Variants in TRMT10C observed in about 807,000 individuals in gnomAD.
The protein encoded by TRMT10C is tRNA methyltransferase 10 homolog C.
A neutral mutation model predicts 27.4 loss-of-function variants in TRMT10C; 14 were observed. That is an observed-to-expected ratio of 0.51 (90% CI 0.34 to 0.80). The LOEUF is 0.80. TRMT10C is among the 30% of genes least tolerant of loss of function. TRMT10C has a pLI of 0.02. For missense variants in TRMT10C, 438 were observed against 464.8 expected (o/e 0.94, Z 0.53); for synonymous variants, 143 against 155.9 (o/e 0.92, Z 0.62).
chr3:101,562,750 G>C (rs1461725904), intron 1 of TRMT10C, among the ~76,000 whole-genome samples: 1 of 151,250 alleles, frequency 6.6e-6, no homozygotes, highest in Non-Finnish European at 1.5e-5. Context: ...CGTGATTACT[G>C]TGAGCCAAAT....
At position 101,565,822 on chromosome 3, in the gene TRMT10C, T is replaced by C. The variant is rs1032195829; in HGVS notation, c.1041T>C (p.Gly347=). The C allele has an allele frequency of 5.0e-6, 8 of 1,613,988 alleles. No homozygotes were observed. Among genetic ancestry groups the C allele is most frequent in the Non-Finnish European group, 5.9e-6 (7 of 1,179,982 alleles). ...ATAAATATTTACAATGGGAAATTGG[T>C]AACAAAAATCTCACCTTAGATCAAA... is the stretch of plus-strand genomic sequence containing the variant. ...PLDKYLQWEI[G]NKNLTLDQMI... The change falls in exon 2 of 2, where the codon GGT becomes GGC. Residue 347 remains glycine, a synonymous_variant. Coordinates refer to ENST00000309922, the MANE Select transcript of TRMT10C (RefSeq NM_017819.4).
Position 101,566,191 on chromosome 3 carries a change from A to C in TRMT10C, c.*198A>C. ...TCTTTTCCCAATTAAATATCTGCAG[A>C]ACTTTGGGATTATACTTTGTTTACT... is the stretch of plus-strand genomic sequence containing the variant. On this transcript the variant is annotated 3_prime_UTR_variant, in exon 2 of 2. Coordinates refer to ENST00000309922, the MANE Select transcript of TRMT10C (RefSeq NM_017819.4). The C allele has an allele frequency of 1.8e-6, 1 of 555,020 alleles. No individual in the cohort carries two copies. Among genetic ancestry groups the C allele is most frequent in the Non-Finnish European group, 3.1e-6 (1 of 318,618 alleles). The allele number at this position is 555,020 out of a possible 1,614,324, so 34.4% of individuals were successfully genotyped here.
chr3:101,566,337 G>A lies in TRMT10C; in HGVS notation c.*344G>A, dbSNP rs868376550. On this transcript the variant is annotated 3_prime_UTR_variant, in exon 2 of 2. Coordinates refer to ENST00000309922, the MANE Select transcript of TRMT10C (RefSeq NM_017819.4). Reference sequence around the variant, plus strand: ...GGTTCCTAGAGGGTGGTGCCCTGGGGTGGGCTTGGAAGCTCTGCACCCCTT... The same window carrying A: ...GGTTCCTAGAGGGTGGTGCCCTGGGATGGGCTTGGAAGCTCTGCACCCCTT... 2.1e-5 allele frequency: 4 copies of A among 190,638 alleles called. No individual in the cohort carries two copies. Among genetic ancestry groups the A allele is most frequent in the South Asian group, 1.4e-4 (1 of 7,368 alleles). The allele number at this position is 190,638 out of a possible 1,614,324, so 11.8% of individuals were successfully genotyped here. A position where few individuals can be genotyped will look rare whatever the true frequency, so the allele number is the denominator to read the frequency against.
rs11410961 is a variant in TRMT10C at position 101,564,256 on chromosome 3, C to CTTT, written c.-12-497_-12-495dup. 7.7e-4 allele frequency among the ~76,000 whole-genome samples: 93 copies of CTTT among 121,478 alleles called. 1 individual carries two copies. Among genetic ancestry groups the CTTT allele is most frequent in the African/African-American group, 2.2e-3 (72 of 32,558 alleles). The allele number at this position is 121,478 out of a possible 152,430, so 79.7% of individuals were successfully genotyped here. ...ATTCATGTCTAAAATAAGAACCCAA[C>CTTT]TTTTTTTTTTTTTTTTTTTGAGACA... On this transcript the variant is annotated intron_variant, in intron 1 of 1. Transcript: ENST00000309922.
Position 101,566,224 on chromosome 3 carries a change from G to C in TRMT10C, c.*231G>C, listed in dbSNP as rs543983593. Reference sequence around the variant, plus strand: ...GATTATACTTTGTTTACTGTAGAAAGATAATAAAAAGAGTTGTCCAAGATT... The same window carrying C: ...GATTATACTTTGTTTACTGTAGAAACATAATAAAAAGAGTTGTCCAAGATT... On this transcript the variant is annotated 3_prime_UTR_variant, in exon 2 of 2. Coordinates refer to ENST00000309922, the MANE Select transcript of TRMT10C (RefSeq NM_017819.4). The C allele has an allele frequency of 7.1e-6, 3 of 423,772 alleles. No individual in the cohort carries two copies. The highest frequency in any genetic ancestry group is 1.3e-5 in the Non-Finnish European group (3 of 230,812). The allele number at this position is 423,772 out of a possible 1,614,324, so 26.3% of individuals were successfully genotyped here.
rs1178528389 is a variant in TRMT10C at position 101,565,165 on chromosome 3, A to C, written c.384A>C (p.Ala128=). 1 of 1,307,678 alleles carries C rather than the reference A, an allele frequency of 7.6e-7. No homozygotes were observed. The highest frequency in any genetic ancestry group is 2.4e-5 in the Admixed American group (1 of 40,954). 81.0% of individuals were successfully genotyped at this position (1,307,678 alleles called of 1,614,324 possible). ...TTATGGAATGTGTTTCTAACACAGC[A>C]AAAAAAAAATATTTAAAATATTTAT... is the stretch of plus-strand genomic sequence containing the variant. The part of the protein sequence containing the change: ...KTLMECVSNT[A]KKKYLKYLYT... Residue 128 remains alanine, a synonymous_variant, in exon 2 of 2, where the codon GCA becomes GCC. Coordinates refer to ENST00000309922, the MANE Select transcript of TRMT10C (RefSeq NM_017819.4).
chr3:101,561,916 G>C lies in TRMT10C; in HGVS notation c.-100G>C, dbSNP rs1934420899. On this transcript the variant is annotated 5_prime_UTR_variant, in exon 1 of 2. Coordinates refer to ENST00000309922, the MANE Select transcript of TRMT10C (RefSeq NM_017819.4). ...TAGGCTGCGTGCTAGCTTCGGCGCG[G>C]ATCCCTGGGCGTCCGTACGTCGGAG... 1 of 152,914 alleles carries C rather than the reference G, an allele frequency of 6.5e-6. No individual in the cohort carries two copies. Among genetic ancestry groups the C allele is most frequent in the Non-Finnish European group, 1.5e-5 (1 of 68,376 alleles). The allele number at this position is 152,914 out of a possible 1,614,324, so 9.5% of individuals were successfully genotyped here. A position where few individuals can be genotyped will look rare whatever the true frequency, so the allele number is the denominator to read the frequency against.
rs1159240935 is a variant in TRMT10C at position 101,565,152 on chromosome 3, T to C, written c.371T>C (p.Val124Ala). ...EEELKTLMEC[V>A]SNTAKKKYLK... The stretch of plus-strand genomic sequence containing the variant: ...GAGCTCAAAACCCTTATGGAATGTG[T>C]TTCTAACACAGCAAAAAAAAAATAT... Residue 124 changes from valine (V) to alanine (A), a missense_variant, in exon 2 of 2, where the codon GTT becomes GCT. Around this residue, in one of 3 missense-constraint regions of TRMT10C, gnomAD observed 350 missense variants for 370.5 expected, o/e 0.94. Transcript: ENST00000309922. 6.3e-7 allele frequency: 1 copy of C among 1,581,962 alleles called. No individual in the cohort carries two copies. Among genetic ancestry groups the C allele is most frequent in the African/African-American group, 1.4e-5 (1 of 73,312 alleles).
intron 1 of TRMT10C, 187 bp downstream of exon 1, chr3:101,562,190 A>C (rs1053653550): frequency 6.6e-6 from 1 of 152,228 alleles, no homozygotes; most frequent in Admixed American, 6.5e-5. Context: ...GAAATGATGT[A>C]CTTGATTGCT....
Position 101,562,184 on chromosome 3 carries a change from T to C in TRMT10C, c.-13+181T>C, listed in dbSNP as rs193147687. ...GAAACAAAATCAGTGGTTCCTGAAA[T>C]GATGTACTTGATTGCTTTTTACAAT... On this transcript the variant is annotated intron_variant, in intron 1 of 1. Transcript: ENST00000309922. The C allele has an allele frequency of 3.3e-4, 51 of 152,354 alleles. 1 individual carries two copies. The highest frequency in any genetic ancestry group is 3.3e-3 in the Admixed American group (51 of 15,306). The allele number at this position is 152,354 out of a possible 1,614,324, so 9.4% of individuals were successfully genotyped here.
At position 101,565,137 on chromosome 3, in the gene TRMT10C, C is replaced by A. The variant is rs754933105; in HGVS notation, c.356C>A (p.Thr119Asn). ...CACATCACTGAAGAAGAGCTCAAAA[C>A]CCTTATGGAATGTGTTTCTAACACA... is the stretch of plus-strand genomic sequence containing the variant. ...PEHITEEELK[T>N]LMECVSNTAK... The change falls in exon 2 of 2, where the codon ACC becomes AAC. Residue 119 changes from threonine (T) to asparagine (N), a missense_variant. Physicochemically the swap from Thr to Asn is moderately conservative, Grantham distance 65. Transcript: ENST00000309922. The A allele has an allele frequency of 6.2e-7, 1 of 1,610,688 alleles. No individual in the cohort carries two copies. Among genetic ancestry groups the A allele is most frequent in the East Asian group, 2.2e-5 (1 of 44,846 alleles).
chr3:101,562,663 G>A (rs2108261062), intron 1 of TRMT10C, among the ~76,000 whole-genome samples: 1 of 152,006 alleles, frequency 6.6e-6, no homozygotes, highest in East Asian at 1.9e-4. Context: ...AAATAATAAA[G>A]GGAGGCTGAA....
At chr3:101,562,939 G>A (rs1038845057) in intron 1 of TRMT10C, among the ~76,000 whole-genome samples, 3 of 152,126 alleles carry the variant, frequency 2.0e-5, no homozygotes, top group African/African-American at 7.2e-5. Flanking sequence ...TACTTGAAGT[G>A]TGAGGTGAAG....
At position 101,564,837 on chromosome 3, in the gene TRMT10C, G is replaced by A; in HGVS notation, c.56G>A (p.Arg19Lys). 1.2e-6 allele frequency: 2 copies of A among 1,612,382 alleles called. No individual in the cohort carries two copies. The highest frequency in any genetic ancestry group is 1.7e-6 in the Non-Finnish European group (2 of 1,178,956). Residue 19 changes from arginine (R) to lysine (K), a missense_variant, in exon 2 of 2, where the codon AGG (arginine) becomes AAG (lysine). By Grantham distance (26) the Arg-to-Lys change is conservative (BLOSUM62 2). Coordinates refer to ENST00000309922, the MANE Select transcript of TRMT10C (RefSeq NM_017819.4). ...VSVNFFRPFT[R>K]FLVPFTLHRK... ...GTCAATTTCTTCAGACCTTTCACCAGGTTTTTGGTGCCATTTACCCTTCAT... is the reference window on the plus strand; with the variant it reads ...GTCAATTTCTTCAGACCTTTCACCAAGTTTTTGGTGCCATTTACCCTTCAT...
chr3:101,562,330 C>T (rs1490577802), intron 1 of TRMT10C, among the ~76,000 whole-genome samples: 3 of 152,168 alleles, frequency 2.0e-5, no homozygotes, highest in African/African-American at 4.8e-5. Context: ...TAAATATTTC[C>T]GGGATTCTAA....
chr3:101,566,262 A>C lies in TRMT10C; in HGVS notation c.*269A>C, dbSNP rs1317143750. ...GTTGTCCAAGATTGTTGAACAGAAT[A>C]ATCTTTATCCCAGTTAAATAGTTGT... On this transcript the variant is annotated 3_prime_UTR_variant, in exon 2 of 2. Transcript: ENST00000309922. The C allele has an allele frequency of 3.1e-6, 1 of 319,580 alleles. No homozygotes were observed. The highest frequency in any genetic ancestry group is 6.0e-5 in the South Asian group (1 of 16,590). The allele number at this position is 319,580 out of a possible 1,614,324, so 19.8% of individuals were successfully genotyped here.
At position 101,566,367 on chromosome 3, in the gene TRMT10C, C is replaced by A. The variant is rs560151248; in HGVS notation, c.*374C>A. The A allele has an allele frequency of 7.5e-5, 13 of 172,338 alleles. No homozygotes were observed. The South Asian group carries it at 2.2e-3, about 29-fold the overall frequency. 10.7% of individuals were successfully genotyped at this position (172,338 alleles called of 1,614,324 possible). A position where few individuals can be genotyped will look rare whatever the true frequency, so the allele number is the denominator to read the frequency against. ...CTTGGAAGCTCTGCACCCCTTCCCC[C>A]ATAGCTTTCCCCGTGCATCTCTTTG... On this transcript the variant is annotated 3_prime_UTR_variant, in exon 2 of 2. Coordinates refer to ENST00000309922, the MANE Select transcript of TRMT10C (RefSeq NM_017819.4).
At position 101,565,841 on chromosome 3, in the gene TRMT10C, G is replaced by C; in HGVS notation, c.1060G>C (p.Asp354His). The change falls in exon 2 of 2, where the codon GAT (aspartate) becomes CAT (histidine). Residue 354 changes from aspartate (D) to histidine (H), a missense_variant. Asp to His is a moderately conservative substitution (Grantham distance 81). Coordinates refer to ENST00000309922, the MANE Select transcript of TRMT10C (RefSeq NM_017819.4). ...WEIGNKNLTLDQMIRILLCLK... is the reference protein window; with the variant it reads ...WEIGNKNLTLHQMIRILLCLK... ...AATTGGTAACAAAAATCTCACCTTA[G>C]ATCAAATGATACGTATTTTGTTATG... 2 of 1,614,122 alleles carry C rather than the reference G, an allele frequency of 1.2e-6. No homozygotes were observed. The highest frequency in any genetic ancestry group is 1.7e-6 in the Non-Finnish European group (2 of 1,180,010).
Position 101,564,966 on chromosome 3 carries a change from A to C in TRMT10C, c.185A>C (p.Glu62Ala), listed in dbSNP as rs761498556. Residue 62 changes from glutamate (E) to alanine (A), a missense_variant, in exon 2 of 2, where the codon GAG becomes GCG. Around this residue, in one of 3 missense-constraint regions of TRMT10C, gnomAD observed 350 missense variants for 370.5 expected, o/e 0.94. Coordinates refer to ENST00000309922, the MANE Select transcript of TRMT10C (RefSeq NM_017819.4). ...AGTACACCCCCTTCTGAAGAGCTAG[A>C]GTTGGATAAGTGGAAAACTACCATG... ...NESTPPSEEL[E>A]LDKWKTTMKS... 4.3e-6 allele frequency: 7 copies of C among 1,614,030 alleles called. No individual in the cohort carries two copies. The East Asian group carries it at 1.6e-4, about 36-fold the overall frequency.
Sources: allele counts gnomAD v4.1 joint callset (sites outside exome capture counted in the v4.1 genomes callset), GRCh38; gene constraint gnomAD v4.1.1; regional missense constraint gnomAD v4.1.1; transcripts MANE v1.5; gene names NCBI Gene and HGNC (gene_info 2026-07-23, HGNC 2026-07-21).